Variants in TSHZ2 observed in about 807,000 individuals in gnomAD.
TSHZ2 encodes the protein teashirt zinc finger homeobox 2.
A neutral mutation model predicts 74.4 loss-of-function variants in TSHZ2; 21 were observed. That is an observed-to-expected ratio of 0.28 (90% CI 0.20 to 0.41). The LOEUF is 0.41. TSHZ2 is among the 10% of genes least tolerant of loss of function. TSHZ2 has a pLI of 1.00. For synonymous variants in TSHZ2, 540 were observed against 515.3 expected (o/e 1.05, Z -0.65); for missense variants, 1,244 against 1,293.5 (o/e 0.96, Z 0.59).
At chr20:53,050,156 C>CAT (rs11473079) in intron 1 of TSHZ2, among the ~76,000 whole-genome samples, 63,560 of 126,176 alleles carry the variant, frequency 0.5, 17,989 homozygotes, top group East Asian at 0.77. Context: ...TATATATACA[C>CAT]ATATATATGT....
At chr20:53,447,940 G>C (rs1984619400) in intron 2 of TSHZ2, among the ~76,000 whole-genome samples, 1 of 146,618 alleles carries the variant, frequency 6.8e-6, no homozygotes, top group Non-Finnish European at 1.5e-5. Context: ...TTGAGACGGA[G>C]TCTCACTCTG....
intron 2 of TSHZ2, among the ~76,000 whole-genome samples, chr20:53,394,761 C>CAAAAAAAAAAAAAAAAAAAAAAAA (rs3042185): frequency 1.4e-5 from 1 of 72,370 alleles, no homozygotes; most frequent in African/African-American, 5.4e-5. Flanking sequence ...CAATCTGTCT[C>CAAAAAAAAAAAAAAAAAAAAAAAA]AAAAAAAAAA....
chr20:53,172,233 G>T (rs367912972), intron 1 of TSHZ2, among the ~76,000 whole-genome samples: 1 of 152,180 alleles, frequency 6.6e-6, no homozygotes, highest in African/African-American at 2.4e-5. Flanking sequence ...GGCAGAATTT[G>T]TGTTTTTCCC....
At chr20:53,380,176 G>C (rs1041958431) in intron 2 of TSHZ2, among the ~76,000 whole-genome samples, 2 of 151,814 alleles carry the variant, frequency 1.3e-5, no homozygotes, top group Non-Finnish European at 2.9e-5. Flanking sequence ...ACACGCATGT[G>C]TGTTATAAAA....
intron 1 of TSHZ2, among the ~76,000 whole-genome samples, chr20:53,152,833 A>G (rs1987705848): frequency 3.9e-5 from 6 of 152,214 alleles, no homozygotes; most frequent in Admixed American, 3.9e-4. Flanking sequence ...GCAGAGAGGG[A>G]GAGATATTCA....
chr20:53,281,719 C>T (rs960065518), intron 2 of TSHZ2, among the ~76,000 whole-genome samples: 2 of 152,106 alleles, frequency 1.3e-5, no homozygotes, highest in East Asian at 3.8e-4. Context: ...CAGGAAGAAC[C>T]AGTAAGGGAG....
intron 1 of TSHZ2, among the ~76,000 whole-genome samples, chr20:53,149,483 G>A (rs1024673671): frequency 6.6e-6 from 1 of 152,164 alleles, no homozygotes; most frequent in Non-Finnish European, 1.5e-5. Context: ...AAAGAGAGGA[G>A]GAGTTTCTGC....
At chr20:53,016,032 G>A (rs1983029778) in intron 1 of TSHZ2, among the ~76,000 whole-genome samples, 1 of 152,166 alleles carries the variant, frequency 6.6e-6, no homozygotes, top group South Asian at 2.1e-4. Flanking sequence ...TCGGCTCAGC[G>A]ATGTAAATCA....
chr20:53,007,678 T>C (rs1982693993), intron 1 of TSHZ2, among the ~76,000 whole-genome samples: 1 of 151,348 alleles, frequency 6.6e-6, no homozygotes, highest in Non-Finnish European at 1.5e-5. Context: ...CGTGTATGTA[T>C]GTATATGCGT....
chr20:53,406,815 A>G (rs2145689139), intron 2 of TSHZ2, among the ~76,000 whole-genome samples: 1 of 152,308 alleles, frequency 6.6e-6, no homozygotes, highest in South Asian at 2.1e-4. Context: ...AGGGAGAGAC[A>G]GGTACTTTAG....
At chr20:53,297,340 C>T (rs1319778864) in intron 2 of TSHZ2, among the ~76,000 whole-genome samples, 3 of 149,920 alleles carry the variant, frequency 2.0e-5, no homozygotes, top group African/African-American at 7.4e-5. Flanking sequence ...GCCTTGACCT[C>T]CCAGGATCAG....
At chr20:53,076,067 C>T (rs1985355252) in intron 1 of TSHZ2, among the ~76,000 whole-genome samples, 1 of 152,188 alleles carries the variant, frequency 6.6e-6, no homozygotes, top group African/African-American at 2.4e-5. Flanking sequence ...ACACTTTTCA[C>T]TTTGTTCTGT....
intron 2 of TSHZ2, among the ~76,000 whole-genome samples, chr20:53,257,828 A>C (rs923700374): frequency 6.6e-6 from 1 of 152,208 alleles, no homozygotes; most frequent in Admixed American, 6.5e-5. Context: ...TCGAATATGA[A>C]AAACTAATAA....
chr20:53,148,926 A>T (rs1987609842), intron 1 of TSHZ2, among the ~76,000 whole-genome samples: 1 of 152,180 alleles, frequency 6.6e-6, no homozygotes, highest in African/African-American at 2.4e-5. Context: ...AGCAGGAATC[A>T]ACCTTTTCCT....
At chr20:53,415,333 A>G (rs1358368210) in intron 2 of TSHZ2, among the ~76,000 whole-genome samples, 1 of 152,240 alleles carries the variant, frequency 6.6e-6, no homozygotes, top group African/African-American at 2.4e-5. Context: ...ATATGCAATG[A>G]TAAAATGATC....
intron 1 of TSHZ2, among the ~76,000 whole-genome samples, chr20:53,134,465 C>T (rs1344822624): frequency 6.6e-6 from 1 of 152,120 alleles, no homozygotes; most frequent in Non-Finnish European, 1.5e-5. Flanking sequence ...TAAATTTTCT[C>T]ATCATTTGAC....
chr20:53,423,388 A>C (rs141904649), intron 2 of TSHZ2, among the ~76,000 whole-genome samples: 161 of 150,384 alleles, frequency 1.1e-3, no homozygotes, highest in South Asian at 6.3e-3. Flanking sequence ...CATCTCAAAA[A>C]AAACAAACAA....
intron 1 of TSHZ2, among the ~76,000 whole-genome samples, chr20:53,114,276 T>A (rs780417925): frequency 1.3e-5 from 2 of 152,296 alleles, no homozygotes; most frequent in African/African-American, 4.8e-5. Context: ...AAAGCATCCA[T>A]GAAGAGACAA....
rs529977563 is a variant in TSHZ2 at position 53,326,562 on chromosome 20, C to T, written c.*8+69991C>T. Among the ~76,000 whole-genome samples the T allele has an allele frequency of 6.6e-5, 10 of 152,322 alleles. No individual in the cohort carries two copies. In the South Asian group the frequency reaches 2.1e-3, roughly 32 times the overall value. ...GGTGATTCAATTGGTCACTAAGCGC[C>T]TCTAGAAAGCCCCCCCGGCAACCAC... is the stretch of plus-strand genomic sequence containing the variant. On this transcript the variant is annotated intron_variant, in intron 2 of 2. Transcript: ENST00000371497.
Sources: gnomAD v4.1 joint callset for allele counts (sites outside exome capture counted in the v4.1 genomes callset) on GRCh38, gnomAD v4.1.1 for gene constraint, MANE v1.5 for transcripts, NCBI Gene and HGNC (gene_info 2026-07-23, HGNC 2026-07-21) for gene names.